Variants in CDH11 observed in about 807,000 individuals in gnomAD.
CDH11 encodes the protein cadherin-11.
CDH11 carries 11 observed loss-of-function variants against 67.8 expected under a neutral mutation model. That is an observed-to-expected ratio of 0.16 (90% CI 0.10 to 0.27). The LOEUF (loss-of-function observed/expected upper bound fraction) is 0.27, where lower values mean the gene tolerates loss of function less well. Among genes scored for constraint, CDH11 ranks in the 10% least tolerant of loss-of-function variants. The probability of loss-of-function intolerance (pLI) is 1.00; values close to 1 mark genes in which losing one functional copy is unlikely to be tolerated. For synonymous variants in CDH11, 419 were observed against 400.0 expected, an observed-to-expected ratio of 1.05 and a Z score of -0.57; for missense variants, 847 against 1,031.2, an observed-to-expected ratio of 0.82 and a Z score of 2.45.
chr16:65,122,088 G>A, upstream of CDH11: 3 of 417,850 alleles, frequency 7.2e-6, no homozygotes, highest in East Asian at 5.9e-5. Context: ...GCTAGTGGCA[G>A]GAATGAGAAA....
chr16:65,021,524 A>G (rs2073423066), intron 2 of CDH11, among the ~76,000 whole-genome samples: 1 of 150,184 alleles, frequency 6.7e-6, no homozygotes. Context: ...AAGATTCAAG[A>G]AGAGAAAAAC....
At position 65,122,053 on chromosome 16, in the gene CDH11, G is replaced by A. The variant is rs2075342707; in HGVS notation, c.-471C>T. The stretch of plus-strand genomic sequence containing the variant: ...CGCGACGCTCCCCTCAGCTGGCGGC[G>A]GCCGCGGAATGAGCCGCCGAGCGCG... On this transcript the variant is annotated 5_prime_UTR_variant, in exon 1 of 13. Transcript: ENST00000268603. 1 of 662,438 alleles carries A rather than the reference G, an allele frequency of 1.5e-6. No individual in the cohort carries two copies. Among genetic ancestry groups the A allele is most frequent in the Non-Finnish European group, 2.7e-6 (1 of 370,648 alleles). 41.0% of individuals were successfully genotyped at this position (662,438 alleles called of 1,614,324 possible).
intron 11 of CDH11, among the ~76,000 whole-genome samples, chr16:64,956,012 A>G (rs1490338575): frequency 1.3e-5 from 2 of 152,202 alleles, no homozygotes; most frequent in East Asian, 3.8e-4. Context: ...AAAGTGTCAG[A>G]TTGGCTCCAG....
At chr16:65,046,107 T>C (rs1308359345) in intron 2 of CDH11, among the ~76,000 whole-genome samples, 1 of 152,166 alleles carries the variant, frequency 6.6e-6, no homozygotes. Flanking sequence ...AGGGAGGAAA[T>C]GCACAGGTAA....
At chr16:65,080,298 C>A (rs1352133470) in intron 1 of CDH11, among the ~76,000 whole-genome samples, 1 of 148,024 alleles carries the variant, frequency 6.8e-6, no homozygotes, top group Non-Finnish European at 1.5e-5. Flanking sequence ...AAAAAAAAAA[C>A]CTGTGCATTA....
intron 11 of CDH11, among the ~76,000 whole-genome samples, chr16:64,957,639 C>CAT (rs36077145): frequency 0.32 from 46,882 of 146,482 alleles, 7,612 homozygotes; most frequent in South Asian, 0.34. Context: ...CACACCCATC[C>CAT]ATATATATAT....
At chr16:65,002,930 CTTT>C (rs1011429142) in intron 3 of CDH11, among the ~76,000 whole-genome samples, 1 of 140,844 alleles carries the variant, frequency 7.1e-6, no homozygotes. Context: ...TTCTTTTTTT[CTTT>C]TTTTTTTTTT....
At chr16:65,000,133 T>A (rs1367050475) in intron 3 of CDH11, among the ~76,000 whole-genome samples, 1 of 152,188 alleles carries the variant, frequency 6.6e-6, no homozygotes, top group Non-Finnish European at 1.5e-5. Context: ...AGAGATAAGA[T>A]GATATTTGCC....
In CDH11 at chr16:65,065,066, C is replaced by T. The variant is rs138707895; in HGVS notation, c.-297-11138G>A. ...AATATCACGGGTCAGGTCAGCTATG[C>T]GAGGGGACTGCAAGAAATGATCACA... is the stretch of plus-strand genomic sequence containing the variant. On this transcript the variant is annotated intron_variant, in intron 1 of 12. Coordinates refer to ENST00000268603, the MANE Select transcript of CDH11 (RefSeq NM_001797.4). Among the ~76,000 whole-genome samples, 437 of 152,156 alleles carry T rather than the reference C, an allele frequency of 2.9e-3. 4 individuals carry two copies. Among genetic ancestry groups the T allele is most frequent in the African/African-American group, 0.01 (429 of 41,524 alleles).
At chr16:65,099,934 C>T (rs1471420657) in intron 1 of CDH11, among the ~76,000 whole-genome samples, 1 of 151,906 alleles carries the variant, frequency 6.6e-6, no homozygotes, top group Non-Finnish European at 1.5e-5. Context: ...GTGTTCTGCA[C>T]AAAGGAAGGA....
intron 11 of CDH11, among the ~76,000 whole-genome samples, chr16:64,967,468 C>A (rs1206951856): frequency 6.6e-6 from 1 of 152,112 alleles, no homozygotes; most frequent in Non-Finnish European, 1.5e-5. Context: ...AATCCATCTG[C>A]CTCAGCCTTC....
chr16:64,992,912 T>C lies in CDH11; in HGVS notation c.643+3A>G, dbSNP rs771173630. 1 of 1,613,516 alleles carries C rather than the reference T, an allele frequency of 6.2e-7. No individual in the cohort carries two copies. The highest frequency in any genetic ancestry group is 2.2e-5 in the East Asian group (1 of 44,858). On this transcript the variant is annotated splice_donor_region_variant and intron_variant, in intron 5 of 12. Coordinates refer to ENST00000268603, the MANE Select transcript of CDH11 (RefSeq NM_001797.4). Reference sequence around the variant, plus strand: ...CACAAATCACAGTGACATTCCACAGTACCTGTCTGTGCTTCCACCGAAAAA... The same window carrying C: ...CACAAATCACAGTGACATTCCACAGCACCTGTCTGTGCTTCCACCGAAAAA...
chr16:64,997,428 G>A (rs1453225237), intron 4 of CDH11, among the ~76,000 whole-genome samples: 1 of 146,880 alleles, frequency 6.8e-6, no homozygotes, highest in Non-Finnish European at 1.5e-5. Flanking sequence ...AAACATCAAT[G>A]AGCCCGCAAA....
At chr16:64,995,282 C>G (rs1264989385) in intron 4 of CDH11, among the ~76,000 whole-genome samples, 2 of 151,896 alleles carry the variant, frequency 1.3e-5, no homozygotes, top group Non-Finnish European at 2.9e-5. Context: ...CCCGAATAGT[C>G]AAAGCAATCC....
chr16:65,032,738 C>T (rs1041036552), intron 2 of CDH11, among the ~76,000 whole-genome samples: 1 of 152,208 alleles, frequency 6.6e-6, no homozygotes, highest in Non-Finnish European at 1.5e-5. Context: ...TACCAAATCA[C>T]AGCCCTCTGT....
rs141628785 is a variant in CDH11 at position 64,969,193 on chromosome 16, C to A, written c.1642+2386G>T. 2.9e-3 allele frequency among the ~76,000 whole-genome samples: 447 copies of A among 152,140 alleles called. 1 individual carries two copies. The highest frequency in any genetic ancestry group is 9.9e-3 in the African/African-American group (412 of 41,502). On this transcript the variant is annotated intron_variant, in intron 11 of 12. Transcript: ENST00000268603. ...GTGACAAAGTAAAATACTTATAACT[C>A]CCTAGAGAACAATGTGTCTTAGTAT... is the stretch of plus-strand genomic sequence containing the variant.
intron 2 of CDH11, among the ~76,000 whole-genome samples, chr16:65,026,157 G>A (rs2073530121): frequency 6.6e-6 from 1 of 152,136 alleles, no homozygotes; most frequent in Admixed American, 6.5e-5. Flanking sequence ...GGGTGGGCAT[G>A]CCTTTTACTG....
rs532923909 is a variant in CDH11 at position 65,098,220 on chromosome 16, C to T, written c.-298+23660G>A. Among the ~76,000 whole-genome samples the T allele has an allele frequency of 7.2e-5, 11 of 152,124 alleles. No homozygotes were observed. In the East Asian group the frequency reaches 2.1e-3, roughly 30 times the overall value. Reference sequence around the variant, plus strand: ...GAGAGGTTCAATATTTACTATTGAACCTCATATTGCTACCACATCCCTCTC... The same window carrying T: ...GAGAGGTTCAATATTTACTATTGAATCTCATATTGCTACCACATCCCTCTC... On this transcript the variant is annotated intron_variant, in intron 1 of 12. Transcript: ENST00000268603.
chr16:65,122,135 GCGGGGGGGGC>G, upstream of CDH11: 1 of 511,556 alleles, frequency 2.0e-6, no homozygotes, highest in Non-Finnish European at 3.4e-6. Flanking sequence ...CGGGTGCGGG[GCGGGGGGGGC>G]GGGAGGAGGG....
Sources: gnomAD v4.1 joint callset for allele counts (sites outside exome capture counted in the v4.1 genomes callset) on GRCh38, gnomAD v4.1.1 for gene constraint, MANE v1.5 for transcripts, NCBI Gene and HGNC (gene_info 2026-07-23, HGNC 2026-07-21) for gene names.